The following MYO6 variants were observed in gnomAD, a reference collection of about 807,000 sequenced individuals.
The protein encoded by MYO6 is myosin VI.
MYO6 carries 74 observed loss-of-function variants against 178.7 expected under a neutral mutation model. The ratio of observed to expected loss-of-function variants is 0.41; its 90% CI spans 0.34 to 0.50. The LOEUF is 0.50. Among genes scored for constraint, MYO6 ranks in the 20% least tolerant of loss-of-function variants. The pLI, the probability that MYO6 is intolerant of heterozygous loss-of-function variation, is 0.09. For synonymous variants in MYO6, 477 were observed against 504.6 expected (o/e 0.95, Z 0.73); for missense variants, 1,330 against 1,547.4 (o/e 0.86, Z 2.36).
At chr6:75,829,398 A>G (rs577112163) in intron 4 of MYO6, among the ~76,000 whole-genome samples, 7 of 152,178 alleles carry the variant, frequency 4.6e-5, no homozygotes, top group African/African-American at 1.7e-4. Context: ...GCTGTTCATT[A>G]TTTTTGAACG....
At chr6:75,827,481 A>G (rs955021240) in intron 3 of MYO6, among the ~76,000 whole-genome samples, 3 of 152,180 alleles carry the variant, frequency 2.0e-5, no homozygotes, top group African/African-American at 7.2e-5. Context: ...ATGAATTTGG[A>G]TGTTGATAGA....
At chr6:75,750,553 T>G (rs1413948526) in intron 1 of MYO6, among the ~76,000 whole-genome samples, 1 of 151,216 alleles carries the variant, frequency 6.6e-6, no homozygotes, top group South Asian at 2.1e-4. Context: ...TTTTTAATGC[T>G]CTGGTGGTAT....
intron 20 of MYO6, 31 bp from the exon 21 acceptor site, chr6:75,879,789 G>A (rs1777871211): frequency 6.2e-7 from 1 of 1,613,922 alleles, no homozygotes; most frequent in South Asian, 1.1e-5. Context: ...AACAGTGATT[G>A]ACAGTGCTTT....
At chr6:75,829,842 A>G (rs1166677881) in intron 4 of MYO6, among the ~76,000 whole-genome samples, 1 of 152,178 alleles carries the variant, frequency 6.6e-6, no homozygotes, top group Middle Eastern at 3.2e-3. Context: ...GTTAACATAT[A>G]TTGTTTGGAA....
intron 28 of MYO6, among the ~76,000 whole-genome samples, chr6:75,894,003 A>C (rs887032855): frequency 6.6e-6 from 1 of 152,202 alleles, no homozygotes; most frequent in East Asian, 1.9e-4. Context: ...AAACGAACCA[A>C]ACTCTTACAG....
intron 10 of MYO6, 29 bp from the exon 11 acceptor site, chr6:75,848,322 C>G (rs769234174): frequency 2.5e-6 from 4 of 1,592,866 alleles, no homozygotes; most frequent in Middle Eastern, 1.7e-4. Flanking sequence ...ATGTAACGAT[C>G]AGTTAATTGG....
chr6:75,899,203 G>T (rs1241348832), intron 30 of MYO6, among the ~76,000 whole-genome samples: 1 of 152,002 alleles, frequency 6.6e-6, no homozygotes, highest in Non-Finnish European at 1.5e-5. Flanking sequence ...AAAAGTTAGG[G>T]ATATTAAAAC....
At position 75,895,303 on chromosome 6, in the gene MYO6, AC is replaced by A. The variant is rs767388061; in HGVS notation, c.3137+44del. 1.1e-3 allele frequency: 1,687 copies of A among 1,484,672 alleles called. 1 individual carries two copies. The highest frequency in any genetic ancestry group is 1.4e-3 in the Non-Finnish European group (1,466 of 1,064,406). 92.0% of individuals were successfully genotyped at this position (1,484,672 alleles called of 1,614,324 possible). ...ACCTTTTTAAAAATAGGTTGTAGAT[AC>A]TTTTTGGGAGTAGTTTTCTCATTGG... On this transcript the variant is annotated intron_variant, in intron 29 of 34. Coordinates refer to ENST00000369977, the MANE Select transcript of MYO6 (RefSeq NM_004999.4).
At chr6:75,790,374 C>CTT (rs869295031) in intron 1 of MYO6, among the ~76,000 whole-genome samples, 12 of 142,928 alleles carry the variant, frequency 8.4e-5, no homozygotes, top group South Asian at 2.2e-4. Context: ...TATCTCTCTC[C>CTT]TTTTTTTTTT....
At chr6:75,787,378 C>T (rs1767675597) in intron 1 of MYO6, among the ~76,000 whole-genome samples, 1 of 151,966 alleles carries the variant, frequency 6.6e-6, no homozygotes, top group Non-Finnish European at 1.5e-5. Context: ...GCAAATAACC[C>T]CATGCAGTGA....
chr6:75,770,818 G>A (rs1465436712), intron 1 of MYO6, among the ~76,000 whole-genome samples: 4 of 152,008 alleles, frequency 2.6e-5, no homozygotes, highest in South Asian at 4.2e-4. Context: ...CATTGTTTGT[G>A]TAATTGAAAG....
Position 75,914,249 on chromosome 6 carries a change from A to G in MYO6, c.3626A>G (p.His1209Arg). The change falls in exon 34 of 35, where the codon CAT becomes CGT. Residue 1209 changes from histidine (H) to arginine (R), a missense_variant. Physicochemically the swap from His to Arg is conservative, Grantham distance 29 (BLOSUM62 0). Coordinates refer to ENST00000369977, the MANE Select transcript of MYO6 (RefSeq NM_004999.4). ...TGGATTGCCCGGCAAATGGAACTCCATCCTGACAAGCCACCCATCCTACTT... is the reference window on the plus strand; with the variant it reads ...TGGATTGCCCGGCAAATGGAACTCCGTCCTGACAAGCCACCCATCCTACTT... ...GPWIARQMEL[H>R]PDKPPILLVA... 1 of 1,614,236 alleles carries G rather than the reference A, an allele frequency of 6.2e-7. No individual in the cohort carries two copies. Among genetic ancestry groups the G allele is most frequent in the Admixed American group, 1.7e-5 (1 of 60,034 alleles).
At chr6:75,835,013 C>T (rs1157693990) in intron 6 of MYO6, among the ~76,000 whole-genome samples, 1 of 152,002 alleles carries the variant, frequency 6.6e-6, no homozygotes, top group Non-Finnish European at 1.5e-5. Flanking sequence ...TTAAGGATTG[C>T]TCTTTATTTT....
At chr6:75,766,887 G>T (rs1264694527) in intron 1 of MYO6, among the ~76,000 whole-genome samples, 1 of 152,144 alleles carries the variant, frequency 6.6e-6, no homozygotes, top group African/African-American at 2.4e-5. Flanking sequence ...TACATCATTA[G>T]TGGCATCACA....
chr6:75,780,145 T>C (rs1766809154), intron 1 of MYO6, among the ~76,000 whole-genome samples: 1 of 152,186 alleles, frequency 6.6e-6, no homozygotes, highest in East Asian at 1.9e-4. Flanking sequence ...CAGCACACTT[T>C]AAATATGTGA....
Position 75,809,916 on chromosome 6 carries a change from A to C in MYO6, c.-47-7585A>C, listed in dbSNP as rs147492877. Among the ~76,000 whole-genome samples the C allele has an allele frequency of 3.7e-3, 543 of 145,496 alleles. 2 individuals are homozygous for C. Among genetic ancestry groups the C allele is most frequent in the African/African-American group, 0.013 (522 of 39,304 alleles). ...TGTCTCTGCTAAAAAAAAAAAAAAA[A>C]CAAAAAAAAAAGCAAAAATTAGCTG... On this transcript the variant is annotated intron_variant, in intron 1 of 34. Coordinates refer to ENST00000369977, the MANE Select transcript of MYO6 (RefSeq NM_004999.4).
chr6:75,902,695 T>G (rs898181490), intron 30 of MYO6, among the ~76,000 whole-genome samples: 124 of 152,058 alleles, frequency 8.2e-4, no homozygotes, highest in African/African-American at 2.7e-3. Context: ...TTCATTAATT[T>G]TTTGAAGGGT....
intron 2 of MYO6, among the ~76,000 whole-genome samples, chr6:75,818,068 G>A (rs540829123): frequency 3.9e-5 from 6 of 152,110 alleles, no homozygotes; most frequent in Non-Finnish European, 8.8e-5. Flanking sequence ...AAGTGAATGT[G>A]GAGATATCAG....
intron 3 of MYO6, 30 bp downstream of exon 3, chr6:75,822,881 G>A (rs112098806): frequency 7.8e-5 from 119 of 1,516,664 alleles, no homozygotes; most frequent in East Asian, 2.5e-4. Flanking sequence ...TTAACTCTCC[G>A]CACAGAAAAG....
Sources: gnomAD v4.1 joint callset for allele counts (sites outside exome capture counted in the v4.1 genomes callset) on GRCh38, gnomAD v4.1.1 for gene constraint, MANE v1.5 for transcripts, NCBI Gene and HGNC (gene_info 2026-07-23, HGNC 2026-07-21) for gene names.